The following IMMT variants were observed in gnomAD, a reference collection of about 807,000 sequenced individuals.
IMMT encodes MICOS complex subunit MIC60.
IMMT carries 40 observed loss-of-function variants against 92.7 expected under a neutral mutation model. The observed-to-expected ratio is 0.43, with a 90% CI of 0.34 to 0.56. The LOEUF is 0.56. Among genes scored for constraint, IMMT ranks in the 20% least tolerant of loss-of-function variants. The pLI, the probability that IMMT is intolerant of heterozygous loss-of-function variation, is 0.03. For synonymous variants in IMMT, 322 were observed against 336.1 expected (o/e 0.96, Z 0.46); for missense variants, 831 against 912.1 (o/e 0.91, Z 1.14).
chr2:86,182,696 T>C (rs1231243661), intron 1 of IMMT, among the ~76,000 whole-genome samples: 1 of 151,950 alleles, frequency 6.6e-6, no homozygotes, highest in African/African-American at 2.4e-5. Context: ...AATACAAAAA[T>C]TAGCCAGGTT....
Position 86,173,865 on chromosome 2 carries a change from T to TA in IMMT, c.310-105dup. ...TGCCAAGTCTTTCAGGCTTTTAACATAAAGTTATCAACACTTTGTAACATA... is the reference window on the plus strand; with the variant it reads ...TGCCAAGTCTTTCAGGCTTTTAACATAAAAGTTATCAACACTTTGTAACATA... On this transcript the variant is annotated intron_variant, in intron 3 of 14. Coordinates refer to ENST00000410111, the MANE Select transcript of IMMT (RefSeq NM_006839.3). 3 of 633,172 alleles carry TA rather than the reference T, an allele frequency of 4.7e-6. No individual in the cohort carries two copies. In the South Asian group the frequency reaches 5.7e-5, roughly 12 times the overall value. 39.2% of individuals were successfully genotyped at this position (633,172 alleles called of 1,614,324 possible).
intron 10 of IMMT, among the ~76,000 whole-genome samples, chr2:86,156,757 C>G (rs1211069671): frequency 6.6e-6 from 1 of 152,114 alleles, no homozygotes; most frequent in African/African-American, 2.4e-5. Flanking sequence ...TCGTATCTAA[C>G]TCTCCACAAA....
In IMMT at chr2:86,147,832, A is replaced by G. The variant is rs375285152; in HGVS notation, c.1403T>C (p.Ile468Thr). 7.4e-6 allele frequency: 12 copies of G among 1,613,338 alleles called. No individual in the cohort carries two copies. The Admixed American group carries it at 1.5e-4, about 20-fold the overall frequency. The change falls in exon 13 of 15, where the codon ATA becomes ACA. Residue 468 changes from isoleucine (I) to threonine (T), a missense_variant and splice_region_variant. Ile to Thr is a moderately conservative substitution (Grantham distance 89). Coordinates refer to ENST00000410111, the MANE Select transcript of IMMT (RefSeq NM_006839.3). ...SEIQAEQDRK[I>T]EEVRDAMENE... Reference sequence around the variant, plus strand: ...TTCCATGGCATCTCTGACTTCTTCTATCTGTGAAACCAAACATAGTAGTTA... The same window carrying G: ...TTCCATGGCATCTCTGACTTCTTCTGTCTGTGAAACCAAACATAGTAGTTA...
At chr2:86,151,584 A>G (rs1675472679) in intron 11 of IMMT, 64 bp from the exon 12 acceptor site, 1 of 1,172,514 alleles carries the variant, frequency 8.5e-7, no homozygotes, top group Non-Finnish European at 1.3e-6. Flanking sequence ...TTACAAGGTA[A>G]TCTGCATCAA....
intron 1 of IMMT, among the ~76,000 whole-genome samples, chr2:86,188,116 T>G (rs1032844564): frequency 6.6e-6 from 1 of 152,002 alleles, no homozygotes; most frequent in Non-Finnish European, 1.5e-5. Context: ...CTCAGCTCCC[T>G]GCAACCTTCG....
chr2:86,149,324 CA>C (rs1428493917), intron 12 of IMMT, among the ~76,000 whole-genome samples: 1 of 152,114 alleles, frequency 6.6e-6, no homozygotes, highest in African/African-American at 2.4e-5. Flanking sequence ...AAGGTACAGA[CA>C]AAAAATACCA....
chr2:86,145,787 C>G (rs1303618465), intron 14 of IMMT, among the ~76,000 whole-genome samples: 1 of 152,130 alleles, frequency 6.6e-6, no homozygotes, highest in Non-Finnish European at 1.5e-5. Context: ...CATGGGACCA[C>G]ACTGACCCCT....
chr2:86,161,780 C>T (rs866807454), intron 8 of IMMT, among the ~76,000 whole-genome samples, 196 bp downstream of exon 8: 2 of 152,110 alleles, frequency 1.3e-5, no homozygotes, highest in Non-Finnish European at 2.9e-5. Flanking sequence ...TCCCAAAGTG[C>T]TGGGATTACA....
At chr2:86,149,120 A>G (rs112697702) in intron 12 of IMMT, among the ~76,000 whole-genome samples, 52 of 152,330 alleles carry the variant, frequency 3.4e-4, no homozygotes, top group African/African-American at 1.2e-3. Context: ...TTACATTTAA[A>G]ATAAACAGGG....
intron 1 of IMMT, among the ~76,000 whole-genome samples, chr2:86,187,850 TGCGGTGAGC>T (rs1190194682): frequency 2.7e-5 from 4 of 150,830 alleles, no homozygotes; most frequent in Non-Finnish European, 5.9e-5. Flanking sequence ...AGGTAGAGGT[TGCGGTGAGC>T]CGAGATCGCG....
chr2:86,147,747 A>T lies in IMMT; in HGVS notation c.1488T>A (p.Asp496Glu), dbSNP rs745578802. Reference protein sequence around the residue: ...QAAAHTDHLRDVLRVQEQELK... With the variant: ...QAAAHTDHLREVLRVQEQELK... ...ATTCCTGTTCTTGTACCCTAAGGAC[A>T]TCTCGCAAGTGATCAGTGTGGGCAG... Residue 496 changes from aspartate (D) to glutamate (E), a missense_variant, in exon 13 of 15, where the codon GAT becomes GAA. By Grantham distance (45) the Asp-to-Glu change is conservative. Transcript: ENST00000410111. 9 of 1,613,908 alleles carry T rather than the reference A, an allele frequency of 5.6e-6. No individual in the cohort carries two copies. The highest frequency in any genetic ancestry group is 2.2e-5 in the East Asian group (1 of 44,880).
chr2:86,171,959 A>ATTTTTTTTT (rs869190735), intron 4 of IMMT, among the ~76,000 whole-genome samples: 2 of 40,156 alleles, frequency 5.0e-5, no homozygotes, highest in Non-Finnish European at 6.0e-5. Context: ...TGTGTAGTAT[A>ATTTTTTTTT]TTTTTTTTTT....
In IMMT at chr2:86,181,474, T is replaced by A; in HGVS notation, c.46-102A>T. ...AATACTTTTATTAAAAATGTCTTCA[T>A]TAAACAAAAAATTACTTTTTTTCAG... On this transcript the variant is annotated intron_variant, in intron 1 of 14. Transcript: ENST00000410111. 5.1e-6 allele frequency: 4 copies of A among 784,198 alleles called. No individual in the cohort carries two copies. The East Asian group carries it at 1.1e-4, about 21-fold the overall frequency. The allele number at this position is 784,198 out of a possible 1,614,324, so 48.6% of individuals were successfully genotyped here.
intron 6 of IMMT, among the ~76,000 whole-genome samples, chr2:86,167,066 C>G (rs1290472901): frequency 6.8e-6 from 1 of 147,432 alleles, no homozygotes; most frequent in African/African-American, 2.5e-5. Context: ...CCACTGCACT[C>G]TAGCCTGGGC....
chr2:86,163,069 T>G (rs1341444371), intron 7 of IMMT, among the ~76,000 whole-genome samples: 2 of 152,090 alleles, frequency 1.3e-5, no homozygotes, highest in Non-Finnish European at 2.9e-5. Flanking sequence ...GTGCAGTGGC[T>G]CATGCCTGTA....
chr2:86,145,920 CT>C, intron 14 of IMMT, 147 bp downstream of exon 14: 1 of 570,020 alleles, frequency 1.8e-6, no homozygotes, highest in East Asian at 3.2e-5. Context: ...TTTGCCATTA[CT>C]TTTAATGGCA....
chr2:86,171,355 T>A lies in IMMT; in HGVS notation c.422-10A>T. 1 of 1,607,506 alleles carries A rather than the reference T, an allele frequency of 6.2e-7. No homozygotes were observed. Among genetic ancestry groups the A allele is most frequent in the South Asian group, 1.1e-5 (1 of 89,954 alleles). ...GCCGCTTCTGTAGGTGCTATAAATA[T>A]ATGTTACTCATGGTATTTATACTTT... On this transcript the variant is annotated splice_polypyrimidine_tract_variant and intron_variant, in intron 4 of 14. Coordinates refer to ENST00000410111, the MANE Select transcript of IMMT (RefSeq NM_006839.3).
chr2:86,161,956 T>G lies in IMMT; in HGVS notation c.896+20A>C, dbSNP rs752636987. The G allele has an allele frequency of 3.9e-6, 6 of 1,524,572 alleles. No homozygotes were observed. Among genetic ancestry groups the G allele is most frequent in the Non-Finnish European group, 5.4e-6 (6 of 1,114,648 alleles). 94.4% of individuals were successfully genotyped at this position (1,524,572 alleles called of 1,614,324 possible). On this transcript the variant is annotated intron_variant, in intron 8 of 14. Coordinates refer to ENST00000410111, the MANE Select transcript of IMMT (RefSeq NM_006839.3). ...CCACCAGGAGGCCCTAATTACTTGT[T>G]AAAGTCCATGAGTAATTACTTGGCT...
Position 86,173,579 on chromosome 2 carries a change from TC to T in IMMT, c.421+70del. ...TAGGCAACAAGAGCGAAACTCCATC[TC>T]AAAAAAAAAAAAAGAATTGGTGAAG... On this transcript the variant is annotated intron_variant, in intron 4 of 14. Transcript: ENST00000410111. 3 of 873,498 alleles carry T rather than the reference TC, an allele frequency of 3.4e-6. No homozygotes were observed. In the African/African-American group the frequency reaches 5.4e-5, roughly 16 times the overall value. 54.1% of individuals were successfully genotyped at this position (873,498 alleles called of 1,614,324 possible).
Sources: allele counts gnomAD v4.1 joint callset (sites outside exome capture counted in the v4.1 genomes callset), GRCh38; gene constraint gnomAD v4.1.1; transcripts MANE v1.5; gene names NCBI Gene and HGNC (gene_info 2026-07-23, HGNC 2026-07-21).